The following LRP2 variants were observed in gnomAD, a reference collection of about 807,000 sequenced individuals.
LRP2 encodes the protein LDL receptor related protein 2.
LRP2 carries 172 observed loss-of-function variants against 531.0 expected under a neutral mutation model. The observed-to-expected ratio is 0.32, with a 90% CI of 0.29 to 0.37. LRP2 has a LOEUF of 0.37. Among genes scored for constraint, LRP2 ranks in the 10% least tolerant of loss-of-function variants. The probability of loss-of-function intolerance (pLI) is 1.00; values close to 1 mark genes in which losing one functional copy is unlikely to be tolerated. For missense variants in LRP2, 5,167 were observed against 5,868.3 expected (o/e 0.88, Z 3.90); for synonymous variants, 1,992 against 2,027.6 (o/e 0.98, Z 0.47).
rs10515931 is a variant in LRP2 at position 169,272,906 on chromosome 2, C to T, written c.2116+21G>A. 50,624 of 1,613,322 alleles carry T rather than the reference C, an allele frequency of 0.031. 2,495 individuals are homozygous for T. The highest frequency in any genetic ancestry group is 0.23 in the Admixed American group (13,695 of 59,942). On this transcript the variant is annotated intron_variant, in intron 15 of 78. Transcript: ENST00000649046. ...ATACACCTGTGTCACCTGCCAACAA[C>T]GTCCAAAACAGACTTCTTACCAATG...
intron 15 of LRP2, 83 bp from the exon 16 acceptor site, chr2:169,271,190 A>G (rs1034081664): frequency 3.6e-6 from 3 of 829,650 alleles, no homozygotes; most frequent in African/African-American, 3.4e-5. Flanking sequence ...GCATCCACAG[A>G]GCAAACTTTA....
Position 169,283,124 on chromosome 2 carries a change from C to T in LRP2, c.1043-123G>A, listed in dbSNP as rs556336754. On this transcript the variant is annotated intron_variant, in intron 9 of 78. Coordinates refer to ENST00000649046, the MANE Select transcript of LRP2 (RefSeq NM_004525.3). ...TTGCCCATGTCTAAATAAACACCCT[C>T]TGGAATTAGGCACAGGTTCTGAGAA... is the stretch of plus-strand genomic sequence containing the variant. 37 of 931,358 alleles carry T rather than the reference C, an allele frequency of 4.0e-5. No individual in the cohort carries two copies. The African/African-American group carries it at 4.0e-4, about 10-fold the overall frequency. The allele number at this position is 931,358 out of a possible 1,614,324, so 57.7% of individuals were successfully genotyped here.
chr2:169,288,937 A>G (rs1207787091), intron 9 of LRP2, 89 bp downstream of exon 9: 12 of 1,596,810 alleles, frequency 7.5e-6, no homozygotes, highest in Admixed American at 3.3e-5. Context: ...ACGACTCTCC[A>G]CAAGTGCAAC....
At chr2:169,338,299 G>GAAGA (rs372463862) in intron 1 of LRP2, among the ~76,000 whole-genome samples, 10 of 145,064 alleles carry the variant, frequency 6.9e-5, no homozygotes, top group African/African-American at 1.8e-4. Flanking sequence ...AAAAAGGAAG[G>GAAGA]AAGAAAGAAA....
At chr2:169,151,513 TC>T (rs978506410) in intron 67 of LRP2, among the ~76,000 whole-genome samples, 6 of 152,110 alleles carry the variant, frequency 3.9e-5, no homozygotes, top group Non-Finnish European at 7.4e-5. Context: ...TGAGTCTGTT[TC>T]CTCCTCAGGA....
intron 61 of LRP2, 101 bp downstream of exon 61, chr2:169,168,438 C>T (rs1686869101): frequency 1.4e-6 from 2 of 1,441,646 alleles, no homozygotes; most frequent in Non-Finnish European, 1.9e-6. Flanking sequence ...CATTCCTAAA[C>T]AATTGTACAA....
chr2:169,187,905 G>A lies in LRP2; in HGVS notation c.9328+65C>T, dbSNP rs536492539. Reference sequence around the variant, plus strand: ...GGACAGGTTGGAAAGTCTAAGTCGTGAAGGGTTGAGAATCCATATTCAGTC... The same window carrying A: ...GGACAGGTTGGAAAGTCTAAGTCGTAAAGGGTTGAGAATCCATATTCAGTC... On this transcript the variant is annotated intron_variant, in intron 49 of 78. Transcript: ENST00000649046. 2.7e-5 allele frequency: 42 copies of A among 1,535,090 alleles called. No homozygotes were observed. The African/African-American group carries it at 4.5e-4, about 16-fold the overall frequency.
rs1229074383 is a variant in LRP2 at position 169,177,934 on chromosome 2, T to A, written c.10262A>T (p.Tyr3421Phe). 2 of 1,614,062 alleles carry A rather than the reference T, an allele frequency of 1.2e-6. No homozygotes were observed. The highest frequency in any genetic ancestry group is 2.7e-5 in the African/African-American group (2 of 74,918). ...FAITIFEDTIYWTDWNTRTVE... is the reference protein window; with the variant it reads ...FAITIFEDTIFWTDWNTRTVE... ...TGTCCTTGTATTCCAATCTGTCCAA[T>A]AAATAGTGTCTTCAAAAATGGTAAT... The change falls in exon 53 of 79, where the codon TAT becomes TTT. Residue 3421 changes from tyrosine to phenylalanine, a missense_variant. Coordinates refer to ENST00000649046, the MANE Select transcript of LRP2 (RefSeq NM_004525.3).
intron 1 of LRP2, among the ~76,000 whole-genome samples, chr2:169,323,274 G>A (rs539198754): frequency 2.0e-5 from 3 of 151,982 alleles, no homozygotes; most frequent in Admixed American, 6.6e-5. Flanking sequence ...TAGTAACTTC[G>A]ATGCCTGTTT....
chr2:169,331,779 A>G (rs1685277106), intron 1 of LRP2, among the ~76,000 whole-genome samples: 1 of 152,234 alleles, frequency 6.6e-6, no homozygotes, highest in South Asian at 2.1e-4. Context: ...AAAACTACAA[A>G]TCATTCCCAT....
In LRP2 at chr2:169,140,428, A is replaced by G. The variant is rs988988618; in HGVS notation, c.13199+27T>C. The stretch of plus-strand genomic sequence containing the variant: ...TTTCCCCAGAAGAGGCAAGGCCTAT[A>G]GCTGGGACCTCAACATTCAGACTTA... On this transcript the variant is annotated intron_variant, in intron 72 of 78. Transcript: ENST00000649046. The G allele has an allele frequency of 2.5e-6, 4 of 1,588,248 alleles. No homozygotes were observed. In the African/African-American group the frequency reaches 4.0e-5, roughly 16 times the overall value.
intron 4 of LRP2, among the ~76,000 whole-genome samples, chr2:169,306,483 G>A (rs1034456548): frequency 1.3e-5 from 2 of 152,236 alleles, no homozygotes; most frequent in Non-Finnish European, 2.9e-5. Context: ...GCGGTGAGCC[G>A]AGAGCATGCC....
Position 169,128,683 on chromosome 2 carries a change from T to G in LRP2, c.13948A>C (p.Lys4650Gln), listed in dbSNP as rs1372918207. 1 of 1,614,140 alleles carries G rather than the reference T, an allele frequency of 6.2e-7. No homozygotes were observed. Among genetic ancestry groups the G allele is most frequent in the Non-Finnish European group, 8.5e-7 (1 of 1,179,960 alleles). The change falls in exon 79 of 79, where the codon AAA becomes CAA. Residue 4650 changes from lysine to glutamine, a missense_variant. Physicochemically the swap from Lys to Gln is moderately conservative, Grantham distance 53. Around this residue, in one of 6 missense-constraint regions of LRP2, gnomAD observed 348 missense variants for 369.3 expected, o/e 0.94. Coordinates refer to ENST00000649046, the MANE Select transcript of LRP2 (RefSeq NM_004525.3). Reference sequence around the variant, plus strand: ...TATAGCTATACTTCAGAGTCTTCTTTAACAAGATTTGCGGTGTCTTTAAAA... The same window carrying G: ...TATAGCTATACTTCAGAGTCTTCTTGAACAAGATTTGCGGTGTCTTTAAAA... Reference protein sequence around the residue: ...DTFKDTANLVKEDSEV With the variant: ...DTFKDTANLVQEDSEV
At chr2:169,169,544 T>C (rs1003467669) in intron 60 of LRP2, among the ~76,000 whole-genome samples, 158 bp downstream of exon 60, 9 of 152,246 alleles carry the variant, frequency 5.9e-5, no homozygotes, top group African/African-American at 2.2e-4. Context: ...TGTATGATTA[T>C]GATGACTTAG....
At chr2:169,354,539 A>T (rs1351672907) in intron 1 of LRP2, among the ~76,000 whole-genome samples, 1 of 152,166 alleles carries the variant, frequency 6.6e-6, no homozygotes, top group Non-Finnish European at 1.5e-5. Context: ...GAAACTTCAA[A>T]TTGTCTAATC....
chr2:169,267,570 A>G (rs1343394719), intron 16 of LRP2, among the ~76,000 whole-genome samples: 1 of 152,190 alleles, frequency 6.6e-6, no homozygotes, highest in Non-Finnish European at 1.5e-5. Context: ...GACCAAAGAC[A>G]CAACACACCA....
rs560785784 is a variant in LRP2 at position 169,141,780 on chromosome 2, C to T, written c.13108+894G>A. On this transcript the variant is annotated intron_variant, in intron 71 of 78. Coordinates refer to ENST00000649046, the MANE Select transcript of LRP2 (RefSeq NM_004525.3). ...TTGTCATTTTGTTCCAAATATGGCT[C>T]GAAATATTGGATTCCTACCAATATT... Among the ~76,000 whole-genome samples, 49 of 152,208 alleles carry T rather than the reference C, an allele frequency of 3.2e-4. 1 individual carries two copies. The South Asian group carries it at 0.01, about 32-fold the overall frequency.
chr2:169,132,757 C>G, intron 76 of LRP2, 76 bp from the exon 77 acceptor site: 1 of 800,850 alleles, frequency 1.2e-6, no homozygotes, highest in Non-Finnish European at 2.2e-6. Flanking sequence ...AAGTTTGTAC[C>G]AACTCTGGCT....
At chr2:169,207,386 G>C in intron 38 of LRP2, 136 bp from the exon 39 acceptor site, 1 of 693,052 alleles carries the variant, frequency 1.4e-6, no homozygotes, top group Non-Finnish European at 2.6e-6. Context: ...AGATGATAGT[G>C]TCCCAGTCTA....
Sources: allele counts gnomAD v4.1 joint callset (sites outside exome capture counted in the v4.1 genomes callset), GRCh38; gene constraint gnomAD v4.1.1; regional missense constraint gnomAD v4.1.1; transcripts MANE v1.5; gene names NCBI Gene and HGNC (gene_info 2026-07-23, HGNC 2026-07-21).